MROH9: variants seen among roughly 807,000 people sequenced by gnomAD.
The protein encoded by MROH9 is maestro heat like repeat family member 9.
Under a neutral mutation model 98.2 loss-of-function variants are expected in MROH9, and 92 were observed. That is an observed-to-expected ratio of 0.94 (90% CI 0.79 to 1.11). The LOEUF is 1.11. MROH9 is among the 50% of genes most tolerant of loss of function. The pLI, the probability that MROH9 is intolerant of heterozygous loss-of-function variation, is 0.00. For missense variants in MROH9, 1,057 were observed against 1,014.8 expected, an observed-to-expected ratio of 1.04 and a Z score of -0.57; for synonymous variants, 397 against 368.9, an observed-to-expected ratio of 1.08 and a Z score of -0.87.
At chr1:170,962,779 A>C (rs1010299453) in intron 6 of MROH9, among the ~76,000 whole-genome samples, 2 of 152,150 alleles carry the variant, frequency 1.3e-5, no homozygotes, top group African/African-American at 4.8e-5. Flanking sequence ...AGCCATATGC[A>C]GAAGATTGAT....
Position 170,959,532 on chromosome 1 carries a change from G to A in MROH9, c.223G>A (p.Val75Ile). 1 of 1,613,654 alleles carries A rather than the reference G, an allele frequency of 6.2e-7. No homozygotes were observed. The highest frequency in any genetic ancestry group is 1.1e-5 in the South Asian group (1 of 90,956). The part of the protein sequence containing the change: ...IIESSFGMLV[V>I]MPSLDKVKEM... Reference sequence around the variant, plus strand: ...AGAGTCATCCTTTGGAATGCTAGTTGTCATGCCAAGTCTTGACAAAGTAAA... The same window carrying A: ...AGAGTCATCCTTTGGAATGCTAGTTATCATGCCAAGTCTTGACAAAGTAAA... The change falls in exon 5 of 22, where the codon GTC becomes ATC. Residue 75 changes from valine (V) to isoleucine (I), a missense_variant. Transcript: ENST00000367759.
At chr1:171,051,011 G>A (rs990779077) in intron 20 of MROH9, among the ~76,000 whole-genome samples, 2 of 152,086 alleles carry the variant, frequency 1.3e-5, no homozygotes, top group African/African-American at 4.8e-5. Context: ...AAACCCACTT[G>A]ATTGTGGTAT....
rs76620174 is a variant in MROH9 at position 171,007,117 on chromosome 1, G to A, written c.1597-7000G>A. On this transcript the variant is annotated intron_variant, in intron 15 of 21. Transcript: ENST00000367759. ...CCACTTTTACAGACTGGCTTTGGCA[G>A]GTAAACACCTTTTCCTTTTCACACC... 3.9e-3 allele frequency among the ~76,000 whole-genome samples: 593 copies of A among 152,314 alleles called. 26 individuals are homozygous for A. In the East Asian group the frequency reaches 0.091, roughly 23 times the overall value.
chr1:170,995,682 C>A, intron 13 of MROH9, 151 bp downstream of exon 13: 1 of 944,404 alleles, frequency 1.1e-6, no homozygotes, highest in Non-Finnish European at 1.5e-6. Context: ...TGGTAGAATG[C>A]CTTCAGAAAA....
In MROH9 at chr1:171,064,320, A is replaced by G; in HGVS notation, c.2566A>G (p.Lys856Glu). 1 of 1,540,630 alleles carries G rather than the reference A, an allele frequency of 6.5e-7. No individual in the cohort carries two copies. The highest frequency in any genetic ancestry group is 1.2e-5 in the South Asian group (1 of 81,192). The part of the protein sequence containing the change: ...IDSPTDSKDV[K>E]NDKAL ...CAGTCCTACAGACAGTAAAGATGTC[A>G]AGAATGATAAGGCCTTATAGAAGAG... Residue 856 changes from lysine to glutamate, a missense_variant, in exon 22 of 22, where the codon AAG (lysine) becomes GAG (glutamate). Lys to Glu is a moderately conservative substitution (Grantham distance 56, BLOSUM62 1). Transcript: ENST00000367759.
intron 20 of MROH9, among the ~76,000 whole-genome samples, chr1:171,050,437 C>A (rs1653627274): frequency 6.6e-6 from 1 of 151,972 alleles, no homozygotes; most frequent in African/African-American, 2.4e-5. Flanking sequence ...TTTTTTGTAG[C>A]TATTGTAGAT....
chr1:171,013,498 T>C (rs1347701238), intron 15 of MROH9, among the ~76,000 whole-genome samples: 1 of 152,068 alleles, frequency 6.6e-6, no homozygotes, highest in African/African-American at 2.4e-5. Flanking sequence ...GGAAAAAAAA[T>C]GTCTTCCAAA....
rs867001544 is a variant in MROH9 at position 171,014,727 on chromosome 1, C to T, written c.1734+473C>T. On this transcript the variant is annotated intron_variant, in intron 16 of 21. Transcript: ENST00000367759. ...AACTGCACTGAAAATTCTTATCTCT[C>T]GCAGCCTCATCCCTCTCAGAGCCAT... Among the ~76,000 whole-genome samples the T allele has an allele frequency of 6.6e-5, 10 of 152,318 alleles. No homozygotes were observed. In the South Asian group the frequency reaches 1.0e-3, roughly 16 times the overall value.
chr1:171,035,408 C>T (rs1354692015), intron 20 of MROH9, among the ~76,000 whole-genome samples: 3 of 151,626 alleles, frequency 2.0e-5, no homozygotes, highest in Non-Finnish European at 4.4e-5. Context: ...CCATTTCACA[C>T]CAATAAAGTA....
At chr1:170,941,517 T>G (rs556741366) in intron 1 of MROH9, among the ~76,000 whole-genome samples, 1 of 152,196 alleles carries the variant, frequency 6.6e-6, no homozygotes, top group Non-Finnish European at 1.5e-5. Flanking sequence ...CATGATCAAC[T>G]AGCCAATACC....
At chr1:171,062,683 A>G (rs74123670) in intron 21 of MROH9, among the ~76,000 whole-genome samples, 3,963 of 152,324 alleles carry the variant, frequency 0.026, 163 homozygotes, top group African/African-American at 0.089. Flanking sequence ...TAGTCTATCA[A>G]AATGTTTGGG....
intron 17 of MROH9, among the ~76,000 whole-genome samples, chr1:171,020,485 T>A (rs1312842158): frequency 1.3e-5 from 2 of 152,054 alleles, no homozygotes; most frequent in African/African-American, 4.8e-5. Context: ...ATGTAATCCA[T>A]CACATAAACA....
chr1:171,015,008 A>T (rs769314112), intron 16 of MROH9: 1 of 471,762 alleles, frequency 2.1e-6, no homozygotes, highest in Non-Finnish European at 4.4e-6. Flanking sequence ...CTTACCTTCC[A>T]GGTCGACTGA....
At chr1:171,025,260 G>A in intron 19 of MROH9, 58 bp from the exon 20 acceptor site, 2 of 1,082,120 alleles carry the variant, frequency 1.8e-6, no homozygotes, top group Middle Eastern at 2.0e-4. Context: ...TTTCTGGAGG[G>A]AGCAAATGTT....
At chr1:170,991,477 G>A (rs1016250117) in intron 11 of MROH9, among the ~76,000 whole-genome samples, 1 of 152,124 alleles carries the variant, frequency 6.6e-6, no homozygotes, top group African/African-American at 2.4e-5. Context: ...AGCAATAAGT[G>A]TCAGAACCCA....
chr1:170,955,283 G>C (rs530468803), intron 3 of MROH9, among the ~76,000 whole-genome samples: 1 of 152,220 alleles, frequency 6.6e-6, no homozygotes, highest in South Asian at 2.1e-4. Flanking sequence ...AAACGTGCTT[G>C]TGCCAGTTTC....
intron 3 of MROH9, among the ~76,000 whole-genome samples, chr1:170,951,401 C>G (rs775004378): frequency 6.6e-6 from 1 of 152,048 alleles, no homozygotes; most frequent in Non-Finnish European, 1.5e-5. Context: ...TTTTCAGCAA[C>G]AGAATCTACA....
intron 15 of MROH9, among the ~76,000 whole-genome samples, chr1:171,010,030 TGGTG>T (rs1652097584): frequency 6.6e-6 from 1 of 152,182 alleles, no homozygotes; most frequent in East Asian, 1.9e-4. Context: ...ACACATGACA[TGGTG>T]GTTTGCTACA....
Position 171,064,288 on chromosome 1 carries a change from A to G in MROH9, c.2534A>G (p.Gln845Arg). 6.4e-7 allele frequency: 1 copy of G among 1,551,252 alleles called. No individual in the cohort carries two copies. Among genetic ancestry groups the G allele is most frequent in the Non-Finnish European group, 8.7e-7 (1 of 1,146,734 alleles). ...TACAATTATAACTCACCCAATGGCC[A>G]GATAGACAGTCCTACAGACAGTAAA... ...PLYNYNSPNG[Q>R]IDSPTDSKDV... Residue 845 changes from glutamine (Q) to arginine (R), a missense_variant, in exon 22 of 22, where the codon CAG becomes CGG. By Grantham distance (43) the Gln-to-Arg change is conservative. Transcript: ENST00000367759.
Sources: gnomAD v4.1 joint callset for allele counts (sites outside exome capture counted in the v4.1 genomes callset) on GRCh38, gnomAD v4.1.1 for gene constraint, MANE v1.5 for transcripts, NCBI Gene and HGNC (gene_info 2026-07-23, HGNC 2026-07-21) for gene names.